Variants in ULK4 observed in about 807,000 individuals in gnomAD.
ULK4 encodes the protein unc-51 like kinase 4, also known as inactive serine/threonine-protein kinase ULK4.
In ULK4, 133 loss-of-function variants were observed where a neutral mutation model predicts 160.6. The ratio of observed to expected loss-of-function variants is 0.83; its 90% CI spans 0.72 to 0.96. The LOEUF is 0.96. Ranked by LOEUF, ULK4 falls within the 40% of genes least tolerant of loss-of-function variation. The pLI, the probability that ULK4 is intolerant of heterozygous loss-of-function variation, is 0.00. For synonymous variants in ULK4, 534 were observed against 539.8 expected, an observed-to-expected ratio of 0.99 and a Z score of 0.15; for missense variants, 1,580 against 1,499.5, an observed-to-expected ratio of 1.05 and a Z score of -0.89.
At chr3:41,687,156 C>T (rs1353131370) in intron 27 of ULK4, among the ~76,000 whole-genome samples, 1 of 152,016 alleles carries the variant, frequency 6.6e-6, no homozygotes, top group African/African-American at 2.4e-5. Context: ...GGGCAGATCA[C>T]GAGGTCAAGA....
chr3:41,634,026 C>A (rs1468990991), intron 30 of ULK4, among the ~76,000 whole-genome samples: 3 of 152,192 alleles, frequency 2.0e-5, no homozygotes, highest in African/African-American at 7.2e-5. Context: ...GGTCTGAAAG[C>A]CCCCAGCAAA....
intron 22 of ULK4, among the ~76,000 whole-genome samples, chr3:41,728,656 G>A (rs945209293): frequency 1.3e-5 from 2 of 152,098 alleles, no homozygotes; most frequent in Non-Finnish European, 2.9e-5. Flanking sequence ...TATGAGAGAG[G>A]AAACTGAGGA....
chr3:41,447,548 T>G (rs1383129326), intron 34 of ULK4, among the ~76,000 whole-genome samples: 3 of 152,012 alleles, frequency 2.0e-5, no homozygotes, highest in African/African-American at 7.2e-5. Flanking sequence ...TTCCGGGGCC[T>G]TTCTTCCCTA....
chr3:41,484,530 G>A (rs2084442809), intron 32 of ULK4, among the ~76,000 whole-genome samples: 1 of 146,012 alleles, frequency 6.8e-6, no homozygotes, highest in Non-Finnish European at 1.5e-5. Context: ...TCGGCTCACT[G>A]CAAGCTCCGC....
intron 17 of ULK4, among the ~76,000 whole-genome samples, chr3:41,875,098 G>C (rs986953018): frequency 6.6e-6 from 1 of 152,178 alleles, no homozygotes; most frequent in Non-Finnish European, 1.5e-5. Context: ...GAGATCAGTT[G>C]AGCCCAGGAG....
chr3:41,836,081 A>G, intron 17 of ULK4, 110 bp from the exon 18 acceptor site: 2 of 669,420 alleles, frequency 3.0e-6, no homozygotes, highest in South Asian at 4.3e-5. Flanking sequence ...TTTAAGAACT[A>G]TTTTCCAAAT....
chr3:41,561,924 G>T (rs780164721), intron 32 of ULK4, among the ~76,000 whole-genome samples: 1 of 152,056 alleles, frequency 6.6e-6, no homozygotes, highest in Non-Finnish European at 1.5e-5. Context: ...GTTTGCTCTT[G>T]CTTCTCTAGT....
chr3:41,875,435 GGGCAACATAGGGA>G (rs1697262410), intron 17 of ULK4, among the ~76,000 whole-genome samples: 1 of 152,072 alleles, frequency 6.6e-6, no homozygotes, highest in East Asian at 1.9e-4. Context: ...AGGCCAGCCT[GGGCAACATAGGGA>G]GACTACGTCT....
Position 41,536,842 on chromosome 3 carries a change from A to C in ULK4, c.3226+29183T>G, listed in dbSNP as rs981521733. ...AGGCACACTCAGTGTAACTTTACAG[A>C]AATACATCATAATTTGTCTTTTTGT... On this transcript the variant is annotated intron_variant, in intron 32 of 36. Transcript: ENST00000301831. 2.9e-5 allele frequency among the ~76,000 whole-genome samples: 4 copies of C among 136,908 alleles called. No homozygotes were observed. The East Asian group carries it at 6.2e-4, about 21-fold the overall frequency. The allele number at this position is 136,908 out of a possible 152,430, so 89.8% of individuals were successfully genotyped here.
intron 32 of ULK4, among the ~76,000 whole-genome samples, chr3:41,541,176 CTT>C (rs2086683149): frequency 6.6e-6 from 1 of 152,160 alleles, no homozygotes; most frequent in Admixed American, 6.5e-5. Flanking sequence ...ACATTGAAGT[CTT>C]TAATCCATCC....
At chr3:41,556,141 T>C (rs538706484) in intron 32 of ULK4, among the ~76,000 whole-genome samples, 18 of 152,308 alleles carry the variant, frequency 1.2e-4, no homozygotes, top group Middle Eastern at 3.4e-3. Flanking sequence ...AAGTTTATTA[T>C]CTACATAACA....
intron 17 of ULK4, among the ~76,000 whole-genome samples, chr3:41,842,953 G>A (rs939051345): frequency 2.6e-5 from 4 of 152,214 alleles, no homozygotes; most frequent in Non-Finnish European, 5.9e-5. Context: ...AAATAGTGCT[G>A]AAGCCATCAG....
At chr3:41,376,864 G>C (rs1214086079) in intron 35 of ULK4, among the ~76,000 whole-genome samples, 1 of 149,720 alleles carries the variant, frequency 6.7e-6, no homozygotes, top group Non-Finnish European at 1.5e-5. Flanking sequence ...CACAGAATTG[G>C]AAAAAACTAC....
At chr3:41,844,662 G>A (rs937325879) in intron 17 of ULK4, among the ~76,000 whole-genome samples, 7 of 152,176 alleles carry the variant, frequency 4.6e-5, no homozygotes, top group African/African-American at 1.7e-4. Flanking sequence ...CAAAGTGGGA[G>A]CCCAGGCAGA....
At chr3:41,825,325 G>T (rs1023612400) in intron 18 of ULK4, among the ~76,000 whole-genome samples, 3 of 152,208 alleles carry the variant, frequency 2.0e-5, no homozygotes, top group Non-Finnish European at 4.4e-5. Context: ...TGCCTTTGAC[G>T]AGTTGAGAGA....
chr3:41,515,866 T>A (rs947581060), intron 32 of ULK4, among the ~76,000 whole-genome samples: 1 of 152,168 alleles, frequency 6.6e-6, no homozygotes, highest in Non-Finnish European at 1.5e-5. Context: ...TTATATGACA[T>A]TCAAGAACAG....
intron 17 of ULK4, among the ~76,000 whole-genome samples, chr3:41,845,621 A>G (rs1010754043): frequency 6.6e-6 from 1 of 152,198 alleles, no homozygotes; most frequent in Non-Finnish European, 1.5e-5. Flanking sequence ...CAATGTCAAT[A>G]TTCTGGTTGT....
At chr3:41,312,861 G>A (rs1388775706) in intron 35 of ULK4, among the ~76,000 whole-genome samples, 3 of 152,114 alleles carry the variant, frequency 2.0e-5, no homozygotes, top group African/African-American at 7.2e-5. Context: ...GGAATGCAGT[G>A]TAAGTGGCCC....
intron 31 of ULK4, among the ~76,000 whole-genome samples, chr3:41,599,349 G>A (rs1250898946): frequency 6.6e-6 from 1 of 152,124 alleles, no homozygotes; most frequent in African/African-American, 2.4e-5. Flanking sequence ...CTAATCTAAT[G>A]TTTAGGTAAC....
Sources: allele counts gnomAD v4.1 joint callset (sites outside exome capture counted in the v4.1 genomes callset), GRCh38; gene constraint gnomAD v4.1.1; transcripts MANE v1.5; gene names NCBI Gene and HGNC (gene_info 2026-07-23, HGNC 2026-07-21).